Variants in NMT2 observed in about 807,000 individuals in gnomAD.
NMT2 encodes the protein glycylpeptide N-tetradecanoyltransferase 2.
A neutral mutation model predicts 65.4 loss-of-function variants in NMT2; 35 were observed. The ratio of observed to expected loss-of-function variants is 0.54; its 90% CI spans 0.41 to 0.71. The LOEUF (loss-of-function observed/expected upper bound fraction) is 0.71, where lower values mean the gene tolerates loss of function less well. Ranked by LOEUF, NMT2 falls within the 30% of genes least tolerant of loss-of-function variation. The pLI is 0.00. For missense variants in NMT2, 489 were observed against 611.3 expected (o/e 0.80, Z 2.11); for synonymous variants, 226 against 231.8 (o/e 0.98, Z 0.23).
At position 15,108,258 on chromosome 10, in the gene NMT2, G is replaced by A; in HGVS notation, c.*937C>T. ...GCTGGAGTGCAGTGGCTCGATCTCG[G>A]CTCACTGCAACCTCACCTCTCAGGT... On this transcript the variant is annotated 3_prime_UTR_variant, in exon 12 of 12. Transcript: ENST00000378165. 1.2e-6 allele frequency: 1 copy of A among 851,070 alleles called. No homozygotes were observed. The highest frequency in any genetic ancestry group is 1.4e-6 in the Non-Finnish European group (1 of 708,064). The allele number at this position is 851,070 out of a possible 1,614,324, so 52.7% of individuals were successfully genotyped here.
At chr10:15,148,060 C>A (rs886183247) in intron 1 of NMT2, among the ~76,000 whole-genome samples, 1 of 152,124 alleles carries the variant, frequency 6.6e-6, no homozygotes, top group African/African-American at 2.4e-5. Flanking sequence ...AGAAAGACAA[C>A]ATTATATTCT....
At chr10:15,119,304 C>T (rs1845846523) in intron 9 of NMT2, 39 bp downstream of exon 9, 3 of 1,590,016 alleles carry the variant, frequency 1.9e-6, no homozygotes, top group Middle Eastern at 1.8e-4. Context: ...ACAAAGGGTG[C>T]TTCAAGGAGA....
chr10:15,149,772 G>C (rs897141109), intron 1 of NMT2, among the ~76,000 whole-genome samples: 1 of 152,036 alleles, frequency 6.6e-6, no homozygotes, highest in Admixed American at 6.6e-5. Context: ...AATAGAGAGA[G>C]CTTAAGTAAT....
intron 7 of NMT2, among the ~76,000 whole-genome samples, 186 bp from the exon 8 acceptor site, chr10:15,128,644 G>C (rs1040693451): frequency 2.0e-5 from 3 of 152,148 alleles, no homozygotes; most frequent in African/African-American, 7.2e-5. Context: ...TTATACTCCA[G>C]TTATGTTCCT....
chr10:15,135,483 G>A (rs993207566), intron 2 of NMT2, 65 bp from the exon 3 acceptor site: 16 of 1,545,912 alleles, frequency 1.0e-5, no homozygotes, highest in Middle Eastern at 1.7e-4. Context: ...TTGAGCAGAC[G>A]CACGTGCATC....
intron 2 of NMT2, among the ~76,000 whole-genome samples, chr10:15,137,766 A>G (rs912163559): frequency 6.6e-6 from 1 of 152,068 alleles, no homozygotes; most frequent in African/African-American, 2.4e-5. Flanking sequence ...TCTGAGTTAA[A>G]TCTTCTAACA....
At chr10:15,150,582 A>G (rs1302392106) in intron 1 of NMT2, among the ~76,000 whole-genome samples, 1 of 152,078 alleles carries the variant, frequency 6.6e-6, no homozygotes, top group Non-Finnish European at 1.5e-5. Flanking sequence ...AGTATCTACA[A>G]AGCAACATCG....
intron 2 of NMT2, 24 bp from the exon 3 acceptor site, chr10:15,135,442 G>A: frequency 6.2e-7 from 1 of 1,607,524 alleles, no homozygotes; most frequent in Non-Finnish European, 8.5e-7. Context: ...GACAGACACA[G>A]AATATGAGAG....
chr10:15,153,614 G>A (rs1397756460), intron 1 of NMT2, among the ~76,000 whole-genome samples: 1 of 152,112 alleles, frequency 6.6e-6, no homozygotes, highest in Non-Finnish European at 1.5e-5. Flanking sequence ...TGTCTCTAAG[G>A]CCAAAGCTAC....
At chr10:15,126,043 C>T (rs1846063644) in intron 8 of NMT2, among the ~76,000 whole-genome samples, 2 of 147,762 alleles carry the variant, frequency 1.4e-5, no homozygotes, top group South Asian at 2.1e-4. Flanking sequence ...CTAAGATGGC[C>T]CCCAGTGATC....
chr10:15,150,012 T>C (rs1832748138), intron 1 of NMT2, among the ~76,000 whole-genome samples: 1 of 152,262 alleles, frequency 6.6e-6, no homozygotes. Context: ...AATAGATCTT[T>C]GTGCTACGTG....
chr10:15,119,275 A>T, intron 9 of NMT2, 68 bp downstream of exon 9: 1 of 1,397,682 alleles, frequency 7.2e-7, no homozygotes, highest in Non-Finnish European at 1.0e-6. Flanking sequence ...TGTGTAAATA[A>T]TTCTGCTGCA....
chr10:15,138,653 AG>A (rs1405098832), intron 2 of NMT2, among the ~76,000 whole-genome samples: 1 of 152,194 alleles, frequency 6.6e-6, no homozygotes, highest in African/African-American at 2.4e-5. Context: ...TATAACACTA[AG>A]AAGTTTATAA....
intron 1 of NMT2, among the ~76,000 whole-genome samples, chr10:15,167,017 T>G (rs1833398917): frequency 1.3e-5 from 2 of 152,342 alleles, no homozygotes; most frequent in South Asian, 4.1e-4. Context: ...ACACAGGTAC[T>G]GAAGCTAATC....
chr10:15,127,340 G>C (rs912780914), intron 8 of NMT2, among the ~76,000 whole-genome samples: 19 of 151,752 alleles, frequency 1.3e-4, no homozygotes, highest in African/African-American at 4.6e-4. Context: ...AAGGTCAGGA[G>C]ATCAAGACTA....
Position 15,132,919 on chromosome 10 carries a change from G to T in NMT2, c.617C>A (p.Pro206Gln). ...PEFLLWALRPPGWLLQWHCGV... is the reference protein window; with the variant it reads ...PEFLLWALRPQGWLLQWHCGV... ...ACAGTGCCACTGCAGGAGCCAGCCT[G>T]GTGGACGCAGAGCCCTGAGGTCACG... Residue 206 changes from proline (P) to glutamine (Q), a missense_variant, in exon 6 of 12, where the codon CCA becomes CAA. Transcript: ENST00000378165. 6.2e-7 allele frequency: 1 copy of T among 1,612,884 alleles called. No homozygotes were observed. Among genetic ancestry groups the T allele is most frequent in the Non-Finnish European group, 8.5e-7 (1 of 1,179,252 alleles).
chr10:15,133,295 A>G lies in NMT2; in HGVS notation c.460T>C (p.Leu154=), dbSNP rs770269850. 1 of 1,614,230 alleles carries G rather than the reference A, an allele frequency of 6.2e-7. No homozygotes were observed. Among genetic ancestry groups the G allele is most frequent in the Non-Finnish European group, 8.5e-7 (1 of 1,180,032 alleles). Residue 154 remains leucine, a synonymous_variant, in exon 4 of 12, where the codon TTG becomes CTG. Coordinates refer to ENST00000378165, the MANE Select transcript of NMT2 (RefSeq NM_004808.3). Reference sequence around the variant, plus strand: ...GTGTCCCACATAAAACCCTGTGGCAAAGAATACGGTTCTTGGCGTACGTTG... The same window carrying G: ...GTGTCCCACATAAAACCCTGTGGCAGAGAATACGGTTCTTGGCGTACGTTG... ...KDNVRQEPYS[L]PQGFMWDTLD... is the part of the protein sequence containing the mutation.
chr10:15,107,998 A>G lies in NMT2; in HGVS notation c.*1197T>C. ...AAAATCAGCATAGAGGAGTATGTGC[A>G]ATTTTGCATAAGTAATAAAAACATT... is the stretch of plus-strand genomic sequence containing the variant. On this transcript the variant is annotated 3_prime_UTR_variant, in exon 12 of 12. Coordinates refer to ENST00000378165, the MANE Select transcript of NMT2 (RefSeq NM_004808.3). The G allele has an allele frequency of 3.0e-6, 3 of 985,794 alleles. No individual in the cohort carries two copies. The highest frequency in any genetic ancestry group is 3.6e-6 in the Non-Finnish European group (3 of 829,904). 61.1% of individuals were successfully genotyped at this position (985,794 alleles called of 1,614,324 possible).
chr10:15,140,993 C>T (rs980422092), intron 2 of NMT2: 24 of 1,550,798 alleles, frequency 1.5e-5, no homozygotes, highest in Middle Eastern at 3.3e-4. Flanking sequence ...TTACCCATGG[C>T]TGCTCCCGCT....
Sources: gnomAD v4.1 joint callset for allele counts (sites outside exome capture counted in the v4.1 genomes callset) on GRCh38, gnomAD v4.1.1 for gene constraint, MANE v1.5 for transcripts, NCBI Gene and HGNC (gene_info 2026-07-23, HGNC 2026-07-21) for gene names.